The following CDH13 variants were observed in gnomAD, a reference collection of about 807,000 sequenced individuals.
CDH13 encodes the protein cadherin-13.
A neutral mutation model predicts 63.8 loss-of-function variants in CDH13; 24 were observed. That is an observed-to-expected ratio of 0.38 (90% confidence interval 0.27 to 0.53). CDH13 has a LOEUF of 0.53. CDH13 is among the 20% of genes least tolerant of loss of function. The pLI, the probability that CDH13 is intolerant of heterozygous loss-of-function variation, is 0.85. For synonymous variants in CDH13, 503 were observed against 355.3 expected (o/e 1.42, Z -4.67); for missense variants, 1,049 against 903.1 (o/e 1.16, Z -2.07).
chr16:83,688,369 T>C (rs1290560395), intron 10 of CDH13, among the ~76,000 whole-genome samples: 1 of 152,220 alleles, frequency 6.6e-6, no homozygotes, highest in Non-Finnish European at 1.5e-5. Flanking sequence ...AGCCTACCAT[T>C]TATTGGGAGG....
intron 1 of CDH13, among the ~76,000 whole-genome samples, chr16:82,738,784 T>C (rs12447571): frequency 0.11 from 16,101 of 152,272 alleles, 1,063 homozygotes; most frequent in East Asian, 0.34. Context: ...TAAAATTTCA[T>C]ATAACCTTGG....
intron 7 of CDH13, among the ~76,000 whole-genome samples, chr16:83,587,440 T>C (rs1906277911): frequency 6.6e-6 from 1 of 152,178 alleles, no homozygotes; most frequent in Non-Finnish European, 1.5e-5. Context: ...CTTCTGTCAC[T>C]GGGAGTCAGT....
chr16:83,607,096 G>C (rs1468225307), intron 8 of CDH13, among the ~76,000 whole-genome samples: 1 of 152,020 alleles, frequency 6.6e-6, no homozygotes, highest in African/African-American at 2.4e-5. Flanking sequence ...ATACTTTAAA[G>C]GTTACTTTTA....
rs1349995469 is a variant in CDH13 at position 82,801,477 on chromosome 16, C to T, written c.46-56885C>T. Among the ~76,000 whole-genome samples, 3 of 152,340 alleles carry T rather than the reference C, an allele frequency of 2.0e-5. 1 individual carries two copies. The South Asian group carries it at 6.2e-4, about 32-fold the overall frequency. ...GAACATCTCTGGCCCTCCCCACCCACACACTTTCCATCAATCCAGAAATGA... is the reference window on the plus strand; with the variant it reads ...GAACATCTCTGGCCCTCCCCACCCATACACTTTCCATCAATCCAGAAATGA... On this transcript the variant is annotated intron_variant, in intron 1 of 13. Transcript: ENST00000567109.
rs77782075 is a variant in CDH13 at position 83,502,492 on chromosome 16, G to A, written c.960+15837G>A. On this transcript the variant is annotated intron_variant, in intron 7 of 13. Transcript: ENST00000567109. Reference sequence around the variant, plus strand: ...CCACTTTGGACTCCTGTCCTGAAGTGTAAGAGAATAAAGTCACATGGTTAA... The same window carrying A: ...CCACTTTGGACTCCTGTCCTGAAGTATAAGAGAATAAAGTCACATGGTTAA... Among the ~76,000 whole-genome samples, 514 of 152,286 alleles carry A rather than the reference G, an allele frequency of 3.4e-3. 3 individuals carry two copies. The highest frequency in any genetic ancestry group is 0.012 in the African/African-American group (502 of 41,564).
intron 4 of CDH13, among the ~76,000 whole-genome samples, chr16:83,191,530 C>CATATATATATATATATATATAT: frequency 1.3e-5 from 1 of 74,376 alleles, no homozygotes; most frequent in East Asian, 4.9e-4. Context: ...CACACACACA[C>CATATATATATATATATATATAT]ATATATATAT....
intron 4 of CDH13, among the ~76,000 whole-genome samples, chr16:83,139,865 G>C (rs1440746545): frequency 6.6e-6 from 1 of 152,076 alleles, no homozygotes; most frequent in Admixed American, 6.5e-5. Flanking sequence ...AGTTAGGCAT[G>C]GTGGTGCATG....
intron 4 of CDH13, among the ~76,000 whole-genome samples, chr16:83,184,318 A>G (rs2038446854): frequency 6.6e-6 from 1 of 152,180 alleles, no homozygotes; most frequent in African/African-American, 2.4e-5. Flanking sequence ...TCTAAAAAGT[A>G]AAACTCTGTC....
chr16:82,700,896 C>T (rs1458381274), intron 1 of CDH13, among the ~76,000 whole-genome samples: 2 of 136,858 alleles, frequency 1.5e-5, no homozygotes, highest in Admixed American at 1.7e-4. Context: ...AAAGAAAAGG[C>T]CATGTAATTT....
At chr16:83,445,328 C>T (rs2072654638) in intron 6 of CDH13, among the ~76,000 whole-genome samples, 1 of 103,262 alleles carries the variant, frequency 9.7e-6, no homozygotes, top group Non-Finnish European at 2.6e-5. Context: ...TTTTCACCTA[C>T]CCGAATCATT....
At chr16:83,054,315 A>T (rs1158208416) in intron 3 of CDH13, among the ~76,000 whole-genome samples, 1 of 152,238 alleles carries the variant, frequency 6.6e-6, no homozygotes, top group African/African-American at 2.4e-5. Flanking sequence ...GATTAAAAAC[A>T]ATAACGAATA....
chr16:83,671,077 C>A, intron 9 of CDH13, 105 bp downstream of exon 9: 1 of 946,072 alleles, frequency 1.1e-6, no homozygotes, highest in Non-Finnish European at 1.6e-6. Flanking sequence ...TAAATTCCCC[C>A]AGTCTCCTCC....
chr16:83,285,032 C>T (rs566579296), intron 5 of CDH13, among the ~76,000 whole-genome samples: 10 of 152,286 alleles, frequency 6.6e-5, no homozygotes, highest in Admixed American at 1.3e-4. Flanking sequence ...ACCTTTTCTG[C>T]ACCCAGTTAT....
intron 1 of CDH13, chr16:82,723,251 C>T (rs928253900): frequency 3.9e-5 from 6 of 152,274 alleles, no homozygotes; most frequent in East Asian, 1.9e-4. Flanking sequence ...GCACTCTGTT[C>T]CTCCTTATCC....
chr16:83,297,450 GA>G (rs1218551999), intron 5 of CDH13, among the ~76,000 whole-genome samples: 7 of 152,156 alleles, frequency 4.6e-5, no homozygotes, highest in African/African-American at 1.7e-4. Flanking sequence ...AATAAGGGCA[GA>G]AAGACTGAGT....
At chr16:83,664,319 T>C (rs561600051) in intron 8 of CDH13, among the ~76,000 whole-genome samples, 3 of 152,218 alleles carry the variant, frequency 2.0e-5, no homozygotes, top group African/African-American at 7.2e-5. Context: ...GTTCCAATCA[T>C]CTTGAAGACT....
intron 7 of CDH13, among the ~76,000 whole-genome samples, chr16:83,543,658 A>C (rs1219555105): frequency 1.3e-5 from 2 of 152,214 alleles, no homozygotes; most frequent in Non-Finnish European, 2.9e-5. Flanking sequence ...GGGGACAGAC[A>C]TTAGAGACAT....
At chr16:82,847,261 A>G (rs1479003324) in intron 1 of CDH13, among the ~76,000 whole-genome samples, 1 of 152,212 alleles carries the variant, frequency 6.6e-6, no homozygotes, top group Admixed American at 6.5e-5. Context: ...ATTTAAAACG[A>G]ACATAGTATT....
At chr16:83,421,684 G>A (rs975358689) in intron 6 of CDH13, among the ~76,000 whole-genome samples, 3 of 152,188 alleles carry the variant, frequency 2.0e-5, no homozygotes, top group Non-Finnish European at 4.4e-5. Context: ...TACTGTTGAG[G>A]AGACTAATGA....
Sources: allele counts gnomAD v4.1 joint callset (sites outside exome capture counted in the v4.1 genomes callset), GRCh38; gene constraint gnomAD v4.1.1; transcripts MANE v1.5; gene names NCBI Gene and HGNC (gene_info 2026-07-23, HGNC 2026-07-21).